Variants in CDS1 observed in about 807,000 individuals in gnomAD.
CDS1 encodes CDP-diacylglycerol synthase 1.
CDS1 carries 41 observed loss-of-function variants against 62.1 expected under a neutral mutation model. That is an observed-to-expected ratio of 0.66 (90% CI 0.51 to 0.86). CDS1 has a LOEUF of 0.86. Ranked by LOEUF, CDS1 falls within the 40% of genes least tolerant of loss-of-function variation. CDS1 has a pLI of 0.00. For missense variants in CDS1, 470 were observed against 550.1 expected (o/e 0.85, Z 1.46); for synonymous variants, 185 against 192.6 (o/e 0.96, Z 0.32).
At chr4:84,632,898 C>T (rs1043077782) in intron 6 of CDS1, among the ~76,000 whole-genome samples, 4 of 152,204 alleles carry the variant, frequency 2.6e-5, no homozygotes, top group Admixed American at 2.0e-4. Flanking sequence ...CCAAGGCAGG[C>T]GGATACCTTG....
chr4:84,600,158 T>G (rs188699272), intron 1 of CDS1, among the ~76,000 whole-genome samples: 6 of 152,314 alleles, frequency 3.9e-5, no homozygotes, highest in Admixed American at 3.9e-4. Flanking sequence ...TTTCATATGT[T>G]TATTTACCAT....
rs1006768563 is a variant in CDS1, at chr4:84,598,409, C to CT, written c.118-5822dup. ...TTTCTAACTCACTTTTTTTCTTTTTCTTTTTTTTTTTTAATTTTATTATTA... is the reference window on the plus strand; with the variant it reads ...TTTCTAACTCACTTTTTTTCTTTTTCTTTTTTTTTTTTTAATTTTATTATTA... On this transcript the variant is annotated intron_variant, in intron 1 of 12. Transcript: ENST00000295887. Among the ~76,000 whole-genome samples, 85 of 140,448 alleles carry CT rather than the reference C, an allele frequency of 6.1e-4. No individual in the cohort carries two copies. In the East Asian group the frequency reaches 9.9e-3, roughly 16 times the overall value. 92.1% of individuals were successfully genotyped at this position (140,448 alleles called of 152,430 possible).
chr4:84,616,339 T>C (rs1723493166), intron 3 of CDS1, among the ~76,000 whole-genome samples: 1 of 152,234 alleles, frequency 6.6e-6, no homozygotes, highest in Non-Finnish European at 1.5e-5. Context: ...CACATTTACT[T>C]TTTAAAGTAT....
intron 1 of CDS1, among the ~76,000 whole-genome samples, chr4:84,602,945 TA>T: frequency 6.6e-6 from 1 of 152,356 alleles, no homozygotes; most frequent in East Asian, 1.9e-4. Context: ...ATTGTGTACT[TA>T]AAAAGTGAGT....
At chr4:84,631,079 T>A (rs1307456661) in intron 5 of CDS1, among the ~76,000 whole-genome samples, 1 of 152,372 alleles carries the variant, frequency 6.6e-6, no homozygotes, top group Admixed American at 6.5e-5. Flanking sequence ...TGTAAATCTT[T>A]ACATTATTAA....
At chr4:84,602,803 G>T (rs1481800802) in intron 1 of CDS1, among the ~76,000 whole-genome samples, 1 of 151,988 alleles carries the variant, frequency 6.6e-6, no homozygotes, top group Non-Finnish European at 1.5e-5. Flanking sequence ...GTTCTATCTG[G>T]TTGTTTATTA....
At chr4:84,648,048 T>G (rs1724607151) in intron 12 of CDS1, among the ~76,000 whole-genome samples, 1 of 152,204 alleles carries the variant, frequency 6.6e-6, no homozygotes, top group Admixed American at 6.5e-5. Context: ...GCTTCAGTGC[T>G]AGGCTCAGGA....
At chr4:84,587,844 T>C (rs1722466320) in intron 1 of CDS1, among the ~76,000 whole-genome samples, 1 of 152,116 alleles carries the variant, frequency 6.6e-6, no homozygotes, top group African/African-American at 2.4e-5. Context: ...AGATGAAACC[T>C]CATAGGGAGG....
At chr4:84,632,282 T>C (rs1724045498) in intron 6 of CDS1, among the ~76,000 whole-genome samples, 1 of 152,242 alleles carries the variant, frequency 6.6e-6, no homozygotes, top group Non-Finnish European at 1.5e-5. Context: ...AGAGCATGTA[T>C]TATCTTGGTG....
At chr4:84,617,967 A>G (rs1266811391) in intron 4 of CDS1, among the ~76,000 whole-genome samples, 1 of 152,152 alleles carries the variant, frequency 6.6e-6, no homozygotes, top group African/African-American at 2.4e-5. Flanking sequence ...TATCCTTTAC[A>G]ATAATAATTT....
At chr4:84,640,700 C>A in intron 9 of CDS1, 138 bp from the exon 10 acceptor site, 1 of 670,816 alleles carries the variant, frequency 1.5e-6, no homozygotes, top group South Asian at 4.8e-5. Flanking sequence ...AAATACATAG[C>A]AAAATATTAA....
chr4:84,638,847 TTATATA>T (rs3840105), intron 8 of CDS1, 71 bp from the exon 9 acceptor site: 43 of 300,484 alleles, frequency 1.4e-4, no homozygotes, highest in Non-Finnish European at 1.7e-4. Context: ...AGGAAATAGT[TTATATA>T]TATATATATA....
In CDS1 at chr4:84,635,255, T is replaced by TTTA; in HGVS notation, c.723-9_723-8insTTA. ...TTCTGCTGACTTTTTTTTTTTTTTTTAAAAACAGGTTCCTTGTTCCAATAT... is the reference window on the plus strand; with the variant it reads ...TTCTGCTGACTTTTTTTTTTTTTTTTTTAAAAAACAGGTTCCTTGTTCCAATAT... On this transcript the variant is annotated splice_polypyrimidine_tract_variant and intron_variant, in intron 7 of 12. Coordinates refer to ENST00000295887, the MANE Select transcript of CDS1 (RefSeq NM_001263.4). 1 of 1,301,640 alleles carries TTTA rather than the reference T, an allele frequency of 7.7e-7. No individual in the cohort carries two copies. The highest frequency in any genetic ancestry group is 2.4e-5 in the East Asian group (1 of 42,378). 80.6% of individuals were successfully genotyped at this position (1,301,640 alleles called of 1,614,324 possible). A position where few individuals can be genotyped will look rare whatever the true frequency, so the allele number is the denominator to read the frequency against.
chr4:84,629,117 A>G (rs1439145649), intron 5 of CDS1, among the ~76,000 whole-genome samples: 1 of 152,182 alleles, frequency 6.6e-6, no homozygotes, highest in African/African-American at 2.4e-5. Context: ...CAGGGAAAAA[A>G]CCTATGGATC....
At chr4:84,645,094 T>C in intron 11 of CDS1, 128 bp from the exon 12 acceptor site, 1 of 658,424 alleles carries the variant, frequency 1.5e-6, no homozygotes, top group Non-Finnish European at 2.7e-6. Context: ...AGTTTTTATT[T>C]AGTGAAAAAA....
chr4:84,589,752 G>A (rs941493644), intron 1 of CDS1, among the ~76,000 whole-genome samples: 1 of 152,202 alleles, frequency 6.6e-6, no homozygotes, highest in Non-Finnish European at 1.5e-5. Flanking sequence ...TATTTCAGAG[G>A]GGGAGAGGCA....
chr4:84,604,606 T>G (rs79861952), intron 2 of CDS1, among the ~76,000 whole-genome samples: 1,982 of 152,288 alleles, frequency 0.013, 51 homozygotes, highest in African/African-American at 0.045. Flanking sequence ...GCTACAGAGC[T>G]AGTAAGATAT....
At chr4:84,624,273 CAAAA>C (rs1268924462) in intron 5 of CDS1, among the ~76,000 whole-genome samples, 14 of 56,518 alleles carry the variant, frequency 2.5e-4, no homozygotes, top group African/African-American at 6.9e-4. Context: ...GACTCTGTCT[CAAAA>C]AAAAAAAAAC....
chr4:84,611,290 T>G (rs1723311898), intron 3 of CDS1, among the ~76,000 whole-genome samples: 1 of 152,228 alleles, frequency 6.6e-6, no homozygotes, highest in African/African-American at 2.4e-5. Flanking sequence ...CCCTCCGGGG[T>G]GCCCTGTGGC....
Sources: allele counts gnomAD v4.1 joint callset (sites outside exome capture counted in the v4.1 genomes callset), GRCh38; gene constraint gnomAD v4.1.1; transcripts MANE v1.5; gene names NCBI Gene and HGNC (gene_info 2026-07-23, HGNC 2026-07-21).